NUMA1: variants seen among roughly 807,000 people sequenced by gnomAD.
The protein encoded by NUMA1 is SP-H antigen.
A neutral mutation model predicts 237.1 loss-of-function variants in NUMA1; 62 were observed. The ratio of observed to expected loss-of-function variants is 0.26; its 90% CI spans 0.21 to 0.32. NUMA1 has a LOEUF of 0.32. Among genes scored for constraint, NUMA1 ranks in the 10% least tolerant of loss-of-function variants. NUMA1 has a pLI of 1.00. For missense variants in NUMA1, 2,533 were observed against 2,666.5 expected, an observed-to-expected ratio of 0.95 and a Z score of 1.10; for synonymous variants, 1,028 against 1,066.1, an observed-to-expected ratio of 0.96 and a Z score of 0.70.
chr11:72,015,180 C>T lies in NUMA1; in HGVS notation c.2323G>A (p.Gly775Arg). 6.2e-7 allele frequency: 1 copy of T among 1,613,534 alleles called. No homozygotes were observed. The highest frequency in any genetic ancestry group is 8.5e-7 in the Non-Finnish European group (1 of 1,180,050). Residue 775 changes from glycine to arginine, a missense_variant, in exon 15 of 27, where the codon GGG (glycine) becomes AGG (arginine). Physicochemically the swap from Gly to Arg is moderately radical, Grantham distance 125. Coordinates refer to ENST00000393695, the MANE Select transcript of NUMA1 (RefSeq NM_006185.4). The surrounding 1 kb of genome is among the most constrained non-coding windows in gnomAD (Gnocchi z 4.0). ...TCAGTCTCAGCCTGATGGGCCTCCC[C>T]AAGCTGCTGTAATCGAGCCTCCAGC... Reference protein sequence around the residue: ...KGLEARLQQLGEAHQAETEVL... With the variant: ...KGLEARLQQLREAHQAETEVL...
At chr11:72,042,266 A>G (rs1446643362) in intron 2 of NUMA1, 3 of 152,234 alleles carry the variant, frequency 2.0e-5, no homozygotes, top group Admixed American at 6.5e-5. Context: ...TGCCACAAAC[A>G]TTTACTGAGC....
intron 21 of NUMA1, among the ~76,000 whole-genome samples, chr11:72,006,505 T>A (rs1334981593): frequency 6.6e-6 from 1 of 152,200 alleles, no homozygotes; most frequent in Non-Finnish European, 1.5e-5. Flanking sequence ...CATAATGCTT[T>A]GAGGTAGGGA....
chr11:72,079,689 C>A (rs191517220), intron 1 of NUMA1, among the ~76,000 whole-genome samples: 109 of 149,306 alleles, frequency 7.3e-4, no homozygotes, highest in African/African-American at 2.6e-3. Flanking sequence ...CTCCGAGGTG[C>A]GTGTATGAAA....
At chr11:72,006,686 C>T (rs545800460) in intron 21 of NUMA1, among the ~76,000 whole-genome samples, 66 of 152,326 alleles carry the variant, frequency 4.3e-4, no homozygotes, top group Non-Finnish European at 8.1e-4. Context: ...TTCCAGGGCC[C>T]TTACCATGTT....
intron 1 of NUMA1, chr11:72,076,801 G>C (rs776564812): frequency 2.0e-4 from 30 of 151,670 alleles, no homozygotes; most frequent in Non-Finnish European, 3.4e-4. Context: ...AAAAAAGCAT[G>C]AGAAATCTTT....
chr11:72,022,230 A>G (rs1328251424), intron 7 of NUMA1, 109 bp downstream of exon 7: 5 of 635,992 alleles, frequency 7.9e-6, no homozygotes, highest in East Asian at 2.9e-5. Context: ...AATAATTGCT[A>G]TAACTGTATT....
At chr11:72,008,044 C>T (rs1361579448) in intron 20 of NUMA1, 1 of 460,262 alleles carries the variant, frequency 2.2e-6, no homozygotes, top group Non-Finnish European at 4.3e-6. Flanking sequence ...AAGTGACTGC[C>T]CCTCTATGCC....
intron 16 of NUMA1, 41 bp downstream of exon 16, chr11:72,012,360 C>T (rs1956211499): frequency 1.9e-6 from 3 of 1,604,928 alleles, no homozygotes; most frequent in Admixed American, 1.7e-5. Context: ...GACTGGTCAC[C>T]GTTTAAGCAG....
chr11:72,004,852 C>T (rs1161483309), intron 23 of NUMA1, 36 bp from the exon 24 acceptor site: 3 of 1,524,722 alleles, frequency 2.0e-6, no homozygotes, highest in African/African-American at 2.8e-5. Context: ...TGGACCATAG[C>T]TGTATGGAGA....
intron 16 of NUMA1, among the ~76,000 whole-genome samples, chr11:72,011,728 T>C (rs999688935): frequency 6.6e-6 from 1 of 152,052 alleles, no homozygotes; most frequent in Non-Finnish European, 1.5e-5. Context: ...CTCTATAGCC[T>C]CGATGTCTCA....
Position 72,008,701 on chromosome 11 carries a change from G to C in NUMA1, c.5203C>G (p.Leu1735Val). ...LDLSCEEGTPLSITSKLPRTQ... is the reference protein window; with the variant it reads ...LDLSCEEGTPVSITSKLPRTQ... Reference sequence around the variant, plus strand: ...CTGCCTCCTGACCTGGTGATACTGAGTGGGGTCCCCTCCTCGCAGCTCAGA... The same window carrying C: ...CTGCCTCCTGACCTGGTGATACTGACTGGGGTCCCCTCCTCGCAGCTCAGA... The change falls in exon 20 of 27, where the codon CTC becomes GTC. Residue 1735 changes from leucine (L) to valine (V), a missense_variant. Transcript: ENST00000393695. The C allele has an allele frequency of 6.2e-7, 1 of 1,614,150 alleles. No homozygotes were observed. Among genetic ancestry groups the C allele is most frequent in the South Asian group, 1.1e-5 (1 of 91,090 alleles).
Position 72,006,044 on chromosome 11 carries a change from C to T in NUMA1, c.5683G>A (p.Ala1895Thr), listed in dbSNP as rs749435174. ...RRSQAGVSSGAPPGRNSFYMG... is the reference protein window; with the variant it reads ...RRSQAGVSSGTPPGRNSFYMG... ...CCTGTAGTCCCCTCACCTGGAGGGGCCCCACTGGACACCCCGGCCTGGGAA... is the reference window on the plus strand; with the variant it reads ...CCTGTAGTCCCCTCACCTGGAGGGGTCCCACTGGACACCCCGGCCTGGGAA... The change falls in exon 22 of 27, where the codon GCC becomes ACC. Residue 1895 changes from alanine to threonine, a missense_variant. Physicochemically the swap from Ala to Thr is moderately conservative, Grantham distance 58. Coordinates refer to ENST00000393695, the MANE Select transcript of NUMA1 (RefSeq NM_006185.4). 1.9e-6 allele frequency: 3 copies of T among 1,611,186 alleles called. No homozygotes were observed. In the South Asian group the frequency reaches 3.3e-5, roughly 18 times the overall value.
chr11:72,027,847 G>A (rs1318317020), intron 4 of NUMA1, among the ~76,000 whole-genome samples: 1 of 152,180 alleles, frequency 6.6e-6, no homozygotes, highest in Non-Finnish European at 1.5e-5. Context: ...GGCAGAGGGA[G>A]GGACGCTGGA....
chr11:72,012,305 A>T, intron 16 of NUMA1, 96 bp downstream of exon 16: 3 of 1,193,712 alleles, frequency 2.5e-6, no homozygotes, highest in Non-Finnish European at 2.5e-6. Flanking sequence ...AACAGTTCAC[A>T]ACAGGAGCTG....
At chr11:72,061,153 C>T (rs561656206) in intron 2 of NUMA1, among the ~76,000 whole-genome samples, 20 of 152,294 alleles carry the variant, frequency 1.3e-4, no homozygotes, top group Non-Finnish European at 2.5e-4. Flanking sequence ...AGGAGGACCC[C>T]TTGAACCAAG....
rs71052849 is a variant in NUMA1, at chr11:72,073,048, CAAAAA to C, written c.-102-3142_-102-3138del. Among the ~76,000 whole-genome samples the C allele has an allele frequency of 1.3e-4, 5 of 38,976 alleles. 1 individual carries two copies. The highest frequency in any genetic ancestry group is 1.7e-4 in the Non-Finnish European group (4 of 23,956). 25.6% of individuals were successfully genotyped at this position (38,976 alleles called of 152,430 possible). ...GGTGACACAGAGCGAGACTCCGTCT[CAAAAA>C]AAAAAAAAAAAAAAAGCTGCCTAGG... On this transcript the variant is annotated intron_variant, in intron 1 of 26. Transcript: ENST00000393695.
At chr11:72,032,492 A>G (rs1485559769) in intron 3 of NUMA1, among the ~76,000 whole-genome samples, 2 of 152,252 alleles carry the variant, frequency 1.3e-5, no homozygotes. Context: ...CTAAAAAATC[A>G]TACCAATTAG....
intron 3 of NUMA1, among the ~76,000 whole-genome samples, chr11:72,033,473 G>A (rs563602120): frequency 6.6e-6 from 1 of 151,566 alleles, no homozygotes; most frequent in Non-Finnish European, 1.5e-5. Flanking sequence ...CACAGCCTCA[G>A]GTGATCCTCC....
At chr11:72,060,984 A>G (rs1942907533) in intron 2 of NUMA1, among the ~76,000 whole-genome samples, 1 of 152,150 alleles carries the variant, frequency 6.6e-6, no homozygotes, top group South Asian at 2.1e-4. Context: ...GCAGGAGATC[A>G]CTTGAACCAA....
Sources: allele counts gnomAD v4.1 joint callset (sites outside exome capture counted in the v4.1 genomes callset), GRCh38; gene constraint gnomAD v4.1.1; non-coding constraint Gnocchi (gnomAD v3.1); transcripts MANE v1.5; gene names NCBI Gene and HGNC (gene_info 2026-07-23, HGNC 2026-07-21).